The following PRKCA variants were observed in gnomAD, a reference collection of about 807,000 sequenced individuals.
PRKCA encodes the protein protein kinase C alpha type.
In PRKCA, 27 loss-of-function variants were observed where a neutral mutation model predicts 87.0. The observed-to-expected ratio is 0.31, with a 90% CI of 0.23 to 0.43. The LOEUF is 0.43. PRKCA is among the 20% of genes least tolerant of loss of function. The probability of loss-of-function intolerance (pLI) is 1.00; values close to 1 mark genes in which losing one functional copy is unlikely to be tolerated. For missense variants in PRKCA, 518 were observed against 852.3 expected (o/e 0.61, Z 4.88); for synonymous variants, 329 against 311.1 (o/e 1.06, Z -0.61).
chr17:66,413,318 C>T (rs1285445848), intron 2 of PRKCA, among the ~76,000 whole-genome samples: 1 of 152,160 alleles, frequency 6.6e-6, no homozygotes, highest in Non-Finnish European at 1.5e-5. Flanking sequence ...GGAAGAGATG[C>T]ACAGTAGGGC....
chr17:66,517,145 G>A (rs933141815), intron 3 of PRKCA, among the ~76,000 whole-genome samples: 11 of 152,076 alleles, frequency 7.2e-5, no homozygotes, highest in South Asian at 2.1e-4. Context: ...TTAGCTGGGC[G>A]TGGTGGTGCG....
chr17:66,591,733 C>T (rs1055646568), intron 3 of PRKCA, among the ~76,000 whole-genome samples: 2 of 152,156 alleles, frequency 1.3e-5, no homozygotes, highest in Admixed American at 1.3e-4. Context: ...TTGCCCTCGA[C>T]AGCCTTGTGG....
intron 2 of PRKCA, among the ~76,000 whole-genome samples, chr17:66,428,894 C>T (rs1912956549): frequency 1.3e-5 from 2 of 152,122 alleles, no homozygotes; most frequent in African/African-American, 4.8e-5. Flanking sequence ...TTGAAGGAGT[C>T]ACTGTAAATT....
intron 2 of PRKCA, among the ~76,000 whole-genome samples, chr17:66,437,462 A>G (rs939995639): frequency 6.6e-6 from 1 of 152,160 alleles, no homozygotes; most frequent in Admixed American, 6.5e-5. Context: ...TAACTCAGGG[A>G]GTTTTAAAAA....
At chr17:66,763,247 G>C (rs1307474412) in intron 13 of PRKCA, among the ~76,000 whole-genome samples, 4 of 152,216 alleles carry the variant, frequency 2.6e-5, no homozygotes, top group African/African-American at 9.7e-5. Flanking sequence ...CCCCGTGCCT[G>C]AGGTCCTGGT....
chr17:66,803,848 CCTT>C lies in PRKCA; in HGVS notation c.1855-21_1855-19del, dbSNP rs1324467386. The C allele has an allele frequency of 3.1e-6, 5 of 1,610,462 alleles. No homozygotes were observed. Among genetic ancestry groups the C allele is most frequent in the Non-Finnish European group, 4.2e-6 (5 of 1,177,494 alleles). On this transcript the variant is annotated intron_variant, in intron 16 of 16. Coordinates refer to ENST00000413366, the MANE Select transcript of PRKCA (RefSeq NM_002737.3). This position sits in a 1 kb window ranked among gnomAD's most constrained non-coding sequence, Gnocchi z 4.4. ...CGCATTGTCATGTTGACTGACCTTT[CCTT>C]CTTTTTGTCTTTTCTCCACAGTGTG...
At chr17:66,375,263 A>C (rs1909358003) in intron 2 of PRKCA, among the ~76,000 whole-genome samples, 1 of 152,174 alleles carries the variant, frequency 6.6e-6, no homozygotes, top group Non-Finnish European at 1.5e-5. Flanking sequence ...AGGAAAAGGA[A>C]GTTCCTTCAC....
intron 2 of PRKCA, among the ~76,000 whole-genome samples, chr17:66,391,125 G>A (rs1314708942): frequency 2.0e-5 from 3 of 152,104 alleles, no homozygotes; most frequent in African/African-American, 7.2e-5. Flanking sequence ...AGTCCCCTGC[G>A]TGCTGCGAGT....
chr17:66,797,511 G>T (rs192998874), intron 16 of PRKCA, among the ~76,000 whole-genome samples: 1 of 152,082 alleles, frequency 6.6e-6, no homozygotes, highest in South Asian at 2.1e-4. Context: ...TGCTTGCTTC[G>T]CAGGGTGTAC....
At chr17:66,616,639 G>C (rs2143668664) in intron 3 of PRKCA, among the ~76,000 whole-genome samples, 1 of 152,318 alleles carries the variant, frequency 6.6e-6, no homozygotes. Flanking sequence ...CCAGCTACCA[G>C]AGCCCATTTC....
rs1274948638 is a variant in PRKCA at position 66,761,653 on chromosome 17, A to T, written c.1525-12334A>T. On this transcript the variant is annotated intron_variant, in intron 13 of 16. Transcript: ENST00000413366. ...TGGACAGGCTGGTCTTGAACTCCTGACCTCAAGTAATCTGCCCACCTCGGC... is the reference window on the plus strand; with the variant it reads ...TGGACAGGCTGGTCTTGAACTCCTGTCCTCAAGTAATCTGCCCACCTCGGC... 2.0e-5 allele frequency among the ~76,000 whole-genome samples: 3 copies of T among 151,538 alleles called. No individual in the cohort carries two copies. In the East Asian group the frequency reaches 5.9e-4, roughly 30 times the overall value.
intron 2 of PRKCA, among the ~76,000 whole-genome samples, chr17:66,313,183 A>G (rs1905159389): frequency 6.6e-6 from 1 of 152,122 alleles, no homozygotes; most frequent in Admixed American, 6.5e-5. Flanking sequence ...CTATGTAAAT[A>G]TTTGTTGGGT....
At chr17:66,442,788 T>C (rs900384097) in intron 2 of PRKCA, among the ~76,000 whole-genome samples, 8 of 152,208 alleles carry the variant, frequency 5.3e-5, no homozygotes. Flanking sequence ...TTGTCAGGTG[T>C]TTGTGTTTCA....
rs76109775 is a variant in PRKCA at position 66,395,985 on chromosome 17, C to T, written c.205+89858C>T. Among the ~76,000 whole-genome samples, 572 of 151,952 alleles carry T rather than the reference C, an allele frequency of 3.8e-3. 2 individuals are homozygous for T. The highest frequency in any genetic ancestry group is 0.012 in the African/African-American group (501 of 41,418). On this transcript the variant is annotated intron_variant, in intron 2 of 16. Transcript: ENST00000413366. ...AACATTGATGTTTAACCTGGAAAGT[C>T]TCCCACTAGGGAAAATAATTGGCAC...
chr17:66,723,287 A>C (rs1441033901), intron 8 of PRKCA, among the ~76,000 whole-genome samples: 2 of 152,184 alleles, frequency 1.3e-5, no homozygotes, highest in Non-Finnish European at 2.9e-5. Flanking sequence ...AGCTTGAAGG[A>C]AAGTGCAGTC....
chr17:66,712,456 C>G (rs1973354981), intron 8 of PRKCA, among the ~76,000 whole-genome samples: 1 of 152,084 alleles, frequency 6.6e-6, no homozygotes. Context: ...TGTCGGAAAG[C>G]TGGGTGCTGG....
rs530908585 is a variant in PRKCA, at chr17:66,625,343, A to C, written c.289-16012A>C. On this transcript the variant is annotated intron_variant, in intron 3 of 16. Coordinates refer to ENST00000413366, the MANE Select transcript of PRKCA (RefSeq NM_002737.3). Reference sequence around the variant, plus strand: ...TAAAGGAGAGGGATATGAACACTGTAAAACACAAATTCATCAGAAGTGCAA... The same window carrying C: ...TAAAGGAGAGGGATATGAACACTGTCAAACACAAATTCATCAGAAGTGCAA... 2.5e-4 allele frequency among the ~76,000 whole-genome samples: 38 copies of C among 152,350 alleles called. No homozygotes were observed. In the South Asian group the frequency reaches 7.7e-3, roughly 31 times the overall value.
Position 66,735,421 on chromosome 17 carries a change from G to T in PRKCA, c.1057-68G>T, listed in dbSNP as rs1206512030. On this transcript the variant is annotated intron_variant, in intron 9 of 16. Transcript: ENST00000413366. ...CTGTCACTGAGCCGTCACCTGGCCT[G>T]GTTCCTTCCCTCTGCCCCCCAAGAT... 34 of 1,560,664 alleles carry T rather than the reference G, an allele frequency of 2.2e-5. No homozygotes were observed. In the East Asian group the frequency reaches 7.4e-4, roughly 34 times the overall value.
chr17:66,571,601 A>G (rs984230962), intron 3 of PRKCA, among the ~76,000 whole-genome samples: 2 of 141,114 alleles, frequency 1.4e-5, no homozygotes, highest in Admixed American at 6.9e-5. Flanking sequence ...CCATGTTTTA[A>G]TGAACTTAAA....
Sources: gnomAD v4.1 joint callset for allele counts (sites outside exome capture counted in the v4.1 genomes callset) on GRCh38, gnomAD v4.1.1 for gene constraint, Gnocchi (gnomAD v3.1) non-coding constraint, MANE v1.5 for transcripts, NCBI Gene and HGNC (gene_info 2026-07-23, HGNC 2026-07-21) for gene names.